Variants in PRDM11 observed in about 807,000 individuals in gnomAD.
PRDM11 encodes PR/SET domain 11.
Under a neutral mutation model 97.8 loss-of-function variants are expected in PRDM11, and 20 were observed. The observed-to-expected ratio is 0.20, with a 90% CI of 0.14 to 0.30. The LOEUF (loss-of-function observed/expected upper bound fraction) is 0.30, where lower values mean the gene tolerates loss of function less well. PRDM11 is among the 10% of genes least tolerant of loss of function. The pLI is 1.00. For synonymous variants in PRDM11, 599 were observed against 637.7 expected, an observed-to-expected ratio of 0.94 and a Z score of 0.91; for missense variants, 1,139 against 1,555.2, an observed-to-expected ratio of 0.73 and a Z score of 4.50.
rs190953448 is a variant in PRDM11 at position 45,192,759 on chromosome 11, T to C, written c.486+9636T>C. Among the ~76,000 whole-genome samples, 120 of 152,320 alleles carry C rather than the reference T, an allele frequency of 7.9e-4. 1 individual carries two copies. The highest frequency in any genetic ancestry group is 2.5e-3 in the Admixed American group (39 of 15,308). On this transcript the variant is annotated intron_variant, in intron 4 of 7. Transcript: ENST00000683152. ...TATTTTCATGTTACTTAAAAAGGTA[T>C]AAACATATAGCTTGGTAAACACAAA... is the stretch of plus-strand genomic sequence containing the variant.
At chr11:45,188,411 A>G (rs564536533) in intron 4 of PRDM11, among the ~76,000 whole-genome samples, 2 of 151,206 alleles carry the variant, frequency 1.3e-5, no homozygotes, top group Non-Finnish European at 3.0e-5. Flanking sequence ...TGACTCCAGA[A>G]CCTACCCTCT....
chr11:45,226,626 C>T lies in PRDM11; in HGVS notation c.2001C>T (p.Asp667=), dbSNP rs561475084. 6.6e-5 allele frequency: 102 copies of T among 1,533,978 alleles called. 1 individual carries two copies. Among genetic ancestry groups the T allele is most frequent in the South Asian group, 4.0e-4 (34 of 83,968 alleles). Residue 667 remains aspartate (D), a synonymous_variant, in exon 8 of 8, where the codon GAC becomes GAT. Transcript: ENST00000683152. The part of the protein sequence containing the change: ...CLSVILDGQS[D]DLLADTVAVY... ...GCGTCATCCTGGATGGGCAGAGCGA[C>T]GACCTGCTGGCCGACACGGTGGCTG...
rs1374577146 is a variant in PRDM11 at position 45,227,187 on chromosome 11, C to A, written c.2562C>A (p.Ser854Arg). Residue 854 changes from serine to arginine, a missense_variant, in exon 8 of 8, where the codon AGC (serine) becomes AGA (arginine). Coordinates refer to ENST00000683152, the MANE Select transcript of PRDM11 (RefSeq NM_001384648.1). The surrounding 1 kb of genome is among the most constrained non-coding windows in gnomAD (Gnocchi z 8.0). ...EVVAHLKEVS[S>R]QTQRADASAI... ...TGGCCCATCTCAAGGAGGTCAGCAG[C>A]CAGACCCAGCGGGCAGACGCCTCGG... 6.5e-7 allele frequency: 1 copy of A among 1,533,972 alleles called. No individual in the cohort carries two copies. The highest frequency in any genetic ancestry group is 1.2e-5 in the South Asian group (1 of 83,966).
chr11:45,157,349 G>A (rs550355287), intron 1 of PRDM11, among the ~76,000 whole-genome samples: 2 of 152,102 alleles, frequency 1.3e-5, no homozygotes, highest in Non-Finnish European at 2.9e-5. Flanking sequence ...TAGAGCCCTC[G>A]CATGCGCAGT....
upstream of PRDM11, among the ~76,000 whole-genome samples, chr11:45,143,116 G>C (rs1479131306): frequency 6.6e-6 from 1 of 152,208 alleles, no homozygotes; most frequent in African/African-American, 2.4e-5. Context: ...CCTTGGGGAA[G>C]ATGCAGTGTG....
Position 45,149,985 on chromosome 11 carries a change from G to A in PRDM11, c.-7+3108G>A, listed in dbSNP as rs148894381. On this transcript the variant is annotated intron_variant, in intron 1 of 7. Transcript: ENST00000683152. ...GGAAAGCAGCTAGGGTGATCTTTTC[G>A]ACATGCATATCTGAGCTTATAAACC... is the stretch of plus-strand genomic sequence containing the variant. 1.8e-4 allele frequency among the ~76,000 whole-genome samples: 28 copies of A among 152,282 alleles called. No individual in the cohort carries two copies. The East Asian group carries it at 4.1e-3, about 22-fold the overall frequency.
At chr11:45,151,529 G>A (rs1208645905) in intron 1 of PRDM11, among the ~76,000 whole-genome samples, 1 of 152,238 alleles carries the variant, frequency 6.6e-6, no homozygotes. Flanking sequence ...TGACCAGGTG[G>A]TCAGGACATG....
intron 1 of PRDM11, among the ~76,000 whole-genome samples, chr11:45,176,023 A>T (rs1210968848): frequency 1.3e-5 from 2 of 151,882 alleles, no homozygotes; most frequent in African/African-American, 2.4e-5. Context: ...GCATCTTCAG[A>T]GCATATATTT....
At chr11:45,200,088 C>T (rs752057114) in intron 4 of PRDM11, among the ~76,000 whole-genome samples, 29 of 152,218 alleles carry the variant, frequency 1.9e-4, no homozygotes, top group Non-Finnish European at 3.1e-4. Flanking sequence ...GAGCCTGTCA[C>T]TGTGGCCTCT....
intron 5 of PRDM11, among the ~76,000 whole-genome samples, chr11:45,212,093 C>T (rs1044242484): frequency 1.3e-5 from 2 of 152,136 alleles, no homozygotes; most frequent in African/African-American, 2.4e-5. Flanking sequence ...CCAAGCGGTT[C>T]GATGTGTAGA....
At chr11:45,096,099 T>C (rs1162975979) in intron 1 of PRDM11, among the ~76,000 whole-genome samples, 1 of 152,232 alleles carries the variant, frequency 6.6e-6, no homozygotes, top group African/African-American at 2.4e-5. Flanking sequence ...AAACTCTTTA[T>C]AGCACACGCT....
chr11:45,105,608 C>T (rs547990375), intron 1 of PRDM11, among the ~76,000 whole-genome samples: 1 of 152,374 alleles, frequency 6.6e-6, no homozygotes, highest in African/African-American at 2.4e-5. Flanking sequence ...ACAGCAGAGC[C>T]ATGGAAGCAG....
At position 45,232,662 on chromosome 11, in the gene PRDM11, C is replaced by T. The variant is rs1264767237; in HGVS notation, c.*4503C>T. The T allele has an allele frequency of 2.0e-5, 3 of 152,288 alleles. No homozygotes were observed. The highest frequency in any genetic ancestry group is 1.9e-4 in the East Asian group (1 of 5,184). 9.4% of individuals were successfully genotyped at this position (152,288 alleles called of 1,614,324 possible). On this transcript the variant is annotated 3_prime_UTR_variant, in exon 8 of 8. Coordinates refer to ENST00000683152, the MANE Select transcript of PRDM11 (RefSeq NM_001384648.1). ...GCCGTGTCATGGGTTCTAGTCTGGCCTCTTCCTCAGTCCTCAGGAGGACCC... is the reference window on the plus strand; with the variant it reads ...GCCGTGTCATGGGTTCTAGTCTGGCTTCTTCCTCAGTCCTCAGGAGGACCC...
chr11:45,226,596 C>T lies in PRDM11; in HGVS notation c.1971C>T (p.Cys657=). 4.6e-6 allele frequency: 7 copies of T among 1,533,986 alleles called. No homozygotes were observed. The highest frequency in any genetic ancestry group is 6.1e-6 in the Non-Finnish European group (7 of 1,146,736). ...TGGAGCGCATCCGCCAGTCACCTTG[C>T]CTCAGCGTCATCCTGGATGGGCAGA... ...DLVERIRQSP[C]LSVILDGQSD... The change falls in exon 8 of 8, where the codon TGC becomes TGT. Residue 657 remains cysteine, a synonymous_variant. Coordinates refer to ENST00000683152, the MANE Select transcript of PRDM11 (RefSeq NM_001384648.1).
chr11:45,137,013 A>G (rs1852869776), intron 1 of PRDM11, among the ~76,000 whole-genome samples: 1 of 151,464 alleles, frequency 6.6e-6, no homozygotes, highest in South Asian at 2.1e-4. Context: ...AAGAAAAAAA[A>G]TTAGCTGGGT....
At chr11:45,180,775 C>A (rs1026469216) in intron 1 of PRDM11, among the ~76,000 whole-genome samples, 1 of 150,494 alleles carries the variant, frequency 6.6e-6, no homozygotes, top group Non-Finnish European at 1.5e-5. Flanking sequence ...CCCGCCCCGG[C>A]CGCAGCCTAC....
intron 7 of PRDM11, 84 bp from the exon 8 acceptor site, chr11:45,225,911 C>T (rs1009926887): frequency 7.1e-7 from 1 of 1,416,480 alleles, no homozygotes; most frequent in Admixed American, 2.8e-5. Context: ...GTGGCACCTA[C>T]CTTCCAGGAG....
At chr11:45,182,186 A>T in intron 2 of PRDM11, 60 bp from the exon 3 acceptor site, 2 of 1,485,794 alleles carry the variant, frequency 1.3e-6, no homozygotes, top group Non-Finnish European at 1.9e-6. Context: ...TTTTGTCCCC[A>T]CTGGGCTCTC....
upstream of PRDM11, among the ~76,000 whole-genome samples, chr11:45,094,794 G>A (rs1164745528): frequency 7.1e-6 from 1 of 140,946 alleles, no homozygotes; most frequent in Non-Finnish European, 1.6e-5. Context: ...AGGGAGGGAG[G>A]AGGGAGAGAA....
Sources: gnomAD v4.1 joint callset for allele counts (sites outside exome capture counted in the v4.1 genomes callset) on GRCh38, gnomAD v4.1.1 for gene constraint, Gnocchi (gnomAD v3.1) non-coding constraint, MANE v1.5 for transcripts, NCBI Gene and HGNC (gene_info 2026-07-23, HGNC 2026-07-21) for gene names.